The following MAP2K2 variants were observed in gnomAD, a reference collection of about 807,000 sequenced individuals.
MAP2K2 encodes the protein mitogen-activated protein kinase kinase 2.
MAP2K2 carries 24 observed loss-of-function variants against 43.7 expected under a neutral mutation model. The observed-to-expected ratio is 0.55, with a 90% CI of 0.40 to 0.77. The LOEUF is 0.77. Among genes scored for constraint, MAP2K2 ranks in the 30% least tolerant of loss-of-function variants. MAP2K2 has a pLI of 0.00. For missense variants in MAP2K2, 470 were observed against 566.8 expected, an observed-to-expected ratio of 0.83 and a Z score of 1.73; for synonymous variants, 244 against 239.7, an observed-to-expected ratio of 1.02 and a Z score of -0.17.
chr19:4,090,572 G>A lies in MAP2K2; in HGVS notation c.*26C>T, dbSNP rs1231183716. 35 of 1,527,508 alleles carry A rather than the reference G, an allele frequency of 2.3e-5. No individual in the cohort carries two copies. Among genetic ancestry groups the A allele is most frequent in the Non-Finnish European group, 3.1e-5 (35 of 1,127,378 alleles). 94.6% of individuals were successfully genotyped at this position (1,527,508 alleles called of 1,614,324 possible). A position where few individuals can be genotyped will look rare whatever the true frequency, so the allele number is the denominator to read the frequency against. The stretch of plus-strand genomic sequence containing the variant: ...GACAGGGACGGTGGGCAGGTCACCA[G>A]CGGGACGCAGGGAGCCCGGCCACTG... On this transcript the variant is annotated 3_prime_UTR_variant, in exon 11 of 11. Coordinates refer to ENST00000262948, the MANE Select transcript of MAP2K2 (RefSeq NM_030662.4).
At chr19:4,105,214 A>ATGGTCTTG (rs1302751125) in intron 3 of MAP2K2, among the ~76,000 whole-genome samples, 1 of 142,350 alleles carries the variant, frequency 7.0e-6, no homozygotes. Flanking sequence ...GATGTTTAAA[A>ATGGTCTTG]TGGTCTTGTA....
chr19:4,091,356 A>T (rs919568560), intron 10 of MAP2K2, among the ~76,000 whole-genome samples: 2 of 145,982 alleles, frequency 1.4e-5, no homozygotes, highest in African/African-American at 2.5e-5. Flanking sequence ...TTTTACTTTA[A>T]TTTTTTTTTT....
At chr19:4,117,736 CCTGCA>C (rs2041243042) in intron 1 of MAP2K2, 107 bp from the exon 2 acceptor site, 2 of 987,734 alleles carry the variant, frequency 2.0e-6, no homozygotes, top group African/African-American at 3.2e-5. Flanking sequence ...AGACTGGATT[CCTGCA>C]CTTGAGGGGT....
intron 6 of MAP2K2, chr19:4,100,528 CGG>C: frequency 6.1e-6 from 1 of 162,690 alleles, no homozygotes; most frequent in Non-Finnish European, 1.3e-5. Context: ...GAGATCTGGC[CGG>C]GCGTGGTGGC....
chr19:4,105,681 ATC>A (rs1025203322), intron 3 of MAP2K2, among the ~76,000 whole-genome samples: 2 of 151,600 alleles, frequency 1.3e-5, no homozygotes, highest in South Asian at 2.1e-4. Flanking sequence ...ATCTTTCTTC[ATC>A]TCTCTCTTTC....
chr19:4,090,998 C>CAAGCCCAGG (rs2040849763), intron 10 of MAP2K2, among the ~76,000 whole-genome samples: 1 of 152,236 alleles, frequency 6.6e-6, no homozygotes, highest in South Asian at 2.1e-4. Flanking sequence ...TACGCTCGCG[C>CAAGCCCAGG]AAGCCCAGGG....
rs2040843034 is a variant in MAP2K2 at position 4,090,378 on chromosome 19, C to A, written c.*220G>T. On this transcript the variant is annotated 3_prime_UTR_variant, in exon 11 of 11. Coordinates refer to ENST00000262948, the MANE Select transcript of MAP2K2 (RefSeq NM_030662.4). ...CCTAAGGAAGCAGAGCCTCTGAGAC[C>A]ACACACAGCAGCGTCGCCCGTCCCC... 1.7e-6 allele frequency: 1 copy of A among 605,616 alleles called. No homozygotes were observed. The highest frequency in any genetic ancestry group is 2.8e-5 in the East Asian group (1 of 36,324). The allele number at this position is 605,616 out of a possible 1,614,324, so 37.5% of individuals were successfully genotyped here.
intron 3 of MAP2K2, among the ~76,000 whole-genome samples, chr19:4,108,737 G>C (rs1173857961): frequency 1.3e-5 from 2 of 152,128 alleles, no homozygotes; most frequent in Non-Finnish European, 2.9e-5. Context: ...TTCTGCATGG[G>C]AGGAAGGGGG....
rs562941128 is a variant in MAP2K2 at position 4,113,370 on chromosome 19, C to T, written c.304-2715G>A. Among the ~76,000 whole-genome samples, 8 of 152,208 alleles carry T rather than the reference C, an allele frequency of 5.3e-5. No individual in the cohort carries two copies. The South Asian group carries it at 1.2e-3, about 24-fold the overall frequency. On this transcript the variant is annotated intron_variant, in intron 2 of 10. Coordinates refer to ENST00000262948, the MANE Select transcript of MAP2K2 (RefSeq NM_030662.4). ...CTGTCGAGCGAGCATTCCAGATAAA[C>T]GGGCAGCCACCACTGAGGGTGTGCA... is the stretch of plus-strand genomic sequence containing the variant.
Position 4,110,577 on chromosome 19 carries a change from G to A in MAP2K2, c.382C>T (p.Pro128Ser), listed in dbSNP as rs2145069927. The A allele has an allele frequency of 6.2e-7, 1 of 1,614,012 alleles. No individual in the cohort carries two copies. The highest frequency in any genetic ancestry group is 8.5e-7 in the Non-Finnish European group (1 of 1,180,044). The change falls in exon 3 of 11, where the codon CCG becomes TCG. Residue 128 changes from proline (P) to serine (S), a missense_variant. By Grantham distance (74) the Pro-to-Ser change is moderately conservative. Coordinates refer to ENST00000262948, the MANE Select transcript of MAP2K2 (RefSeq NM_030662.4). ...GCCCCGTAGAAGCCCACGATGTACG[G>A]CGAGTTGCATTCGTGCAGGACCTGC... Reference protein sequence around the residue: ...ELQVLHECNSPYIVGFYGAFY... With the variant: ...ELQVLHECNSSYIVGFYGAFY...
chr19:4,091,284 G>T (rs1309660324), intron 10 of MAP2K2, among the ~76,000 whole-genome samples: 1 of 152,166 alleles, frequency 6.6e-6, no homozygotes, highest in African/African-American at 2.4e-5. Context: ...CTGGACTGTG[G>T]CTCCCATGGC....
intron 1 of MAP2K2, among the ~76,000 whole-genome samples, chr19:4,119,647 A>G (rs1164096454): frequency 1.3e-5 from 2 of 152,238 alleles, no homozygotes; most frequent in Admixed American, 1.3e-4. Context: ...GAAATCTACA[A>G]TGGCATTATT....
chr19:4,110,851 C>T (rs913507871), intron 2 of MAP2K2, among the ~76,000 whole-genome samples, 196 bp from the exon 3 acceptor site: 1 of 152,174 alleles, frequency 6.6e-6, no homozygotes, highest in South Asian at 2.1e-4. Flanking sequence ...GTGCTCACAG[C>T]AGCACGACTC....
chr19:4,102,604 G>C (rs774150288), intron 3 of MAP2K2, 151 bp from the exon 4 acceptor site: 11 of 887,800 alleles, frequency 1.2e-5, no homozygotes, highest in African/African-American at 1.6e-5. Context: ...AGGGCAGGGC[G>C]TCTTCTGACA....
At position 4,099,348 on chromosome 19, in the gene MAP2K2, C is replaced by T. The variant is rs2145050260; in HGVS notation, c.772G>A (p.Val258Met). 1.2e-6 allele frequency: 2 copies of T among 1,611,788 alleles called. No homozygotes were observed. The highest frequency in any genetic ancestry group is 1.7e-6 in the Non-Finnish European group (2 of 1,179,330). The change falls in exon 7 of 11, where the codon GTG (valine) becomes ATG (methionine). Residue 258 changes from valine (V) to methionine (M), a missense_variant. Around this residue, in one of 3 missense-constraint regions of MAP2K2, gnomAD observed 212 missense variants for 220.8 expected, o/e 0.96. Coordinates refer to ENST00000262948, the MANE Select transcript of MAP2K2 (RefSeq NM_030662.4). ...SDIWSMGLSL[V>M]ELAVGRYPIP... The stretch of plus-strand genomic sequence containing the variant: ...GGGTACCTTCCGACGGCCAGCTCCA[C>T]CAGGGACAGGCCCATGCTCCAGATG...
chr19:4,093,440 C>G (rs1474479455), intron 10 of MAP2K2, among the ~76,000 whole-genome samples: 1 of 152,028 alleles, frequency 6.6e-6, no homozygotes, highest in Non-Finnish European at 1.5e-5. Flanking sequence ...TCTGTAATCT[C>G]TGCACTTTGG....
At chr19:4,091,346 T>C (rs2040852602) in intron 10 of MAP2K2, among the ~76,000 whole-genome samples, 1 of 152,126 alleles carries the variant, frequency 6.6e-6, no homozygotes, top group South Asian at 2.1e-4. Flanking sequence ...AATTAAATAC[T>C]TTTACTTTAA....
intron 2 of MAP2K2, among the ~76,000 whole-genome samples, chr19:4,114,528 C>T (rs142508699): frequency 5.1e-4 from 78 of 152,308 alleles, no homozygotes; most frequent in African/African-American, 1.7e-3. Context: ...GCCCCACACG[C>T]GTAACAAGCA....
intron 3 of MAP2K2, among the ~76,000 whole-genome samples, chr19:4,105,267 TTTC>T (rs1244669467): frequency 6.6e-6 from 1 of 150,924 alleles, no homozygotes; most frequent in Non-Finnish European, 1.5e-5. Flanking sequence ...CACATTTTTC[TTTC>T]TTTTTTTTTT....
Sources: allele counts gnomAD v4.1 joint callset (sites outside exome capture counted in the v4.1 genomes callset), GRCh38; gene constraint gnomAD v4.1.1; regional missense constraint gnomAD v4.1.1; transcripts MANE v1.5; gene names NCBI Gene and HGNC (gene_info 2026-07-23, HGNC 2026-07-21).